The following LHFPL3 variants were observed in gnomAD, a reference collection of about 807,000 sequenced individuals.
The protein encoded by LHFPL3 is LHFPL tetraspan subfamily member 3.
Under a neutral mutation model 19.3 loss-of-function variants are expected in LHFPL3, and 5 were observed. The observed-to-expected ratio is 0.26, with a 90% CI of 0.14 to 0.54. The LOEUF is 0.54. Ranked by LOEUF, LHFPL3 falls within the 20% of genes least tolerant of loss-of-function variation. The pLI is 0.94. For missense variants in LHFPL3, 249 were observed against 307.4 expected, an observed-to-expected ratio of 0.81 and a Z score of 1.42; for synonymous variants, 133 against 126.2, an observed-to-expected ratio of 1.05 and a Z score of -0.36.
intron 1 of LHFPL3, among the ~76,000 whole-genome samples, chr7:104,590,797 T>C (rs906963200): frequency 1.3e-5 from 2 of 152,148 alleles, no homozygotes; most frequent in African/African-American, 2.4e-5. Context: ...CTGGGTGCTC[T>C]TGTATTGGGT....
At chr7:104,729,786 T>C (rs1793659610) in intron 1 of LHFPL3, among the ~76,000 whole-genome samples, 1 of 152,180 alleles carries the variant, frequency 6.6e-6, no homozygotes, top group Non-Finnish European at 1.5e-5. Context: ...AGGGTACATG[T>C]GCACAACATG....
chr7:104,334,635 C>T (rs75202662), intron 1 of LHFPL3, among the ~76,000 whole-genome samples: 11,432 of 152,214 alleles, frequency 0.075, 468 homozygotes, highest in Middle Eastern at 0.099. Context: ...TGGTGTGTGG[C>T]GTCACTAGTA....
chr7:104,541,274 G>C (rs1405258630), intron 1 of LHFPL3, among the ~76,000 whole-genome samples: 3 of 152,064 alleles, frequency 2.0e-5, no homozygotes, highest in African/African-American at 7.2e-5. Flanking sequence ...ACCACCCATT[G>C]CATTAGTGGT....
intron 1 of LHFPL3, among the ~76,000 whole-genome samples, chr7:104,457,165 A>T (rs989956775): frequency 3.3e-5 from 5 of 152,042 alleles, no homozygotes; most frequent in African/African-American, 1.2e-4. Context: ...CATGTGCACA[A>T]TGTGCAGGTT....
intron 2 of LHFPL3, chr7:104,796,817 T>C (rs1018036925): frequency 2.0e-5 from 3 of 152,672 alleles, no homozygotes; most frequent in African/African-American, 7.2e-5. Flanking sequence ...CTAGGTTGTA[T>C]CTGTCTCTCT....
intron 2 of LHFPL3, among the ~76,000 whole-genome samples, chr7:104,753,398 T>C (rs1400884943): frequency 1.3e-5 from 2 of 152,192 alleles, no homozygotes; most frequent in African/African-American, 2.4e-5. Flanking sequence ...TTAACAGTCA[T>C]ATTTAAAGGG....
intron 1 of LHFPL3, among the ~76,000 whole-genome samples, chr7:104,575,157 C>T (rs1423846646): frequency 2.0e-5 from 3 of 152,124 alleles, no homozygotes; most frequent in African/African-American, 4.8e-5. Context: ...ATTTCAATGT[C>T]AATGTTGGAA....
chr7:104,577,516 GT>G (rs994111024), intron 1 of LHFPL3, among the ~76,000 whole-genome samples: 5 of 152,120 alleles, frequency 3.3e-5, no homozygotes, highest in African/African-American at 1.2e-4. Context: ...GTATAGAGTT[GT>G]TTATAGATAA....
intron 1 of LHFPL3, among the ~76,000 whole-genome samples, chr7:104,495,448 A>G (rs376287209): frequency 1.1e-3 from 171 of 152,252 alleles, no homozygotes; most frequent in African/African-American, 4.0e-3. Context: ...CAGTGGCACA[A>G]TCTCAGCTCA....
chr7:104,722,512 C>G (rs888532752), intron 1 of LHFPL3, among the ~76,000 whole-genome samples: 2 of 152,192 alleles, frequency 1.3e-5, no homozygotes, highest in Admixed American at 6.5e-5. Context: ...GTTTTCTTCA[C>G]CACACTCTAA....
At chr7:104,437,515 T>C (rs982115449) in intron 1 of LHFPL3, among the ~76,000 whole-genome samples, 14 of 152,178 alleles carry the variant, frequency 9.2e-5, no homozygotes, top group Non-Finnish European at 1.8e-4. Flanking sequence ...CCCACAAGAC[T>C]ACCCCACACT....
In LHFPL3 at chr7:104,399,767, C is replaced by T. The variant is rs1425996911; in HGVS notation, c.445+70543C>T. On this transcript the variant is annotated intron_variant, in intron 1 of 2. Coordinates refer to ENST00000424859, the MANE Select transcript of LHFPL3 (RefSeq NM_199000.3). The surrounding 1 kb of genome is among the most constrained non-coding windows in gnomAD (Gnocchi z 4.4). ...GATTACAGTTGTAAGCCACTGCGCC[C>T]GGCCATATGTTCTTCTGTCCTTAAG... 1.3e-5 allele frequency among the ~76,000 whole-genome samples: 2 copies of T among 151,468 alleles called. No homozygotes were observed. Among genetic ancestry groups the T allele is most frequent in the Non-Finnish European group, 2.9e-5 (2 of 67,872 alleles).
chr7:104,668,117 A>T (rs545552031), intron 1 of LHFPL3: 13 of 1,614,032 alleles, frequency 8.1e-6, no homozygotes, highest in Non-Finnish European at 1.0e-5. Context: ...ATATCAGTGC[A>T]GTGCGTTTAC....
At chr7:104,515,620 G>A (rs879708556) in intron 1 of LHFPL3, among the ~76,000 whole-genome samples, 4 of 152,088 alleles carry the variant, frequency 2.6e-5, no homozygotes, top group Admixed American at 6.6e-5. Flanking sequence ...TAGAATGACT[G>A]GAATTAAAAA....
chr7:104,466,328 G>A (rs1792783808), intron 1 of LHFPL3, among the ~76,000 whole-genome samples: 1 of 152,196 alleles, frequency 6.6e-6, no homozygotes, highest in African/African-American at 2.4e-5. Context: ...GGATACATTT[G>A]AATTGAAGGG....
intron 1 of LHFPL3, among the ~76,000 whole-genome samples, chr7:104,603,066 T>TTTTCTTTCTTTCTTTTTC (rs1791003219): frequency 2.8e-5 from 3 of 108,956 alleles, no homozygotes; most frequent in Non-Finnish European, 1.8e-5. Flanking sequence ...CTTTCTTTCT[T>TTTTCTTTCTTTCTTTTTC]TTTCTTTCTT....
chr7:104,586,391 T>G (rs922130010), intron 1 of LHFPL3, among the ~76,000 whole-genome samples: 1 of 152,120 alleles, frequency 6.6e-6, no homozygotes, highest in Non-Finnish European at 1.5e-5. Context: ...CTCCCTGATA[T>G]CATCTGTGTG....
intron 2 of LHFPL3, among the ~76,000 whole-genome samples, chr7:104,887,367 G>C (rs910449923): frequency 6.6e-6 from 1 of 152,246 alleles, no homozygotes; most frequent in Non-Finnish European, 1.5e-5. Context: ...GGATGAAAAA[G>C]TGAGATGGGG....
At chr7:104,636,416 G>A (rs1190887055) in intron 1 of LHFPL3, among the ~76,000 whole-genome samples, 1 of 152,072 alleles carries the variant, frequency 6.6e-6, no homozygotes, top group Non-Finnish European at 1.5e-5. Flanking sequence ...TACATGTGCA[G>A]GTTTGTTATT....
Sources: allele counts gnomAD v4.1 joint callset (sites outside exome capture counted in the v4.1 genomes callset), GRCh38; gene constraint gnomAD v4.1.1; non-coding constraint Gnocchi (gnomAD v3.1); transcripts MANE v1.5; gene names NCBI Gene and HGNC (gene_info 2026-07-23, HGNC 2026-07-21).